Variants in SNTG1 observed in about 807,000 individuals in gnomAD.
SNTG1 encodes gamma-1-syntrophin.
In SNTG1, 39 loss-of-function variants were observed where a neutral mutation model predicts 74.7. The ratio of observed to expected loss-of-function variants is 0.52; its 90% confidence interval spans 0.40 to 0.68. SNTG1 has a LOEUF of 0.68. Ranked by LOEUF, SNTG1 falls within the 30% of genes least tolerant of loss-of-function variation. SNTG1 has a pLI of 0.00. For missense variants in SNTG1, 685 were observed against 609.5 expected (o/e 1.12, Z -1.30); for synonymous variants, 254 against 217.1 (o/e 1.17, Z -1.49).
chr8:50,436,777 A>G lies in SNTG1; in HGVS notation c.163-1766A>G, dbSNP rs1490246532. 2.6e-5 allele frequency among the ~76,000 whole-genome samples: 4 copies of G among 152,284 alleles called. No individual in the cohort carries two copies. The East Asian group carries it at 7.7e-4, about 29-fold the overall frequency. ...TGCATTTCTCCTTTTCAATAAAAAG[A>G]CATTTCTAATACATAGTTTATTTTA... On this transcript the variant is annotated intron_variant, in intron 4 of 18. Coordinates refer to ENST00000642720, the MANE Select transcript of SNTG1 (RefSeq NM_018967.5).
At chr8:50,712,820 C>T (rs776113944) in intron 17 of SNTG1, among the ~76,000 whole-genome samples, 5 of 152,102 alleles carry the variant, frequency 3.3e-5, no homozygotes, top group Non-Finnish European at 5.9e-5. Flanking sequence ...CATGTCCCCG[C>T]AAAGGACATG....
At chr8:50,249,278 C>T (rs1158044150) in intron 2 of SNTG1, among the ~76,000 whole-genome samples, 5 of 152,124 alleles carry the variant, frequency 3.3e-5, no homozygotes, top group African/African-American at 9.7e-5. Flanking sequence ...ATTTGCAACC[C>T]GTATGACCTA....
chr8:50,560,294 G>A (rs1161293249), intron 12 of SNTG1, among the ~76,000 whole-genome samples: 2 of 152,200 alleles, frequency 1.3e-5, no homozygotes, highest in African/African-American at 2.4e-5. Flanking sequence ...TTCAACCATT[G>A]TGGAAGAGAG....
chr8:49,980,641 A>T (rs1358978309), intron 1 of SNTG1, among the ~76,000 whole-genome samples: 1 of 151,234 alleles, frequency 6.6e-6, no homozygotes, highest in African/African-American at 2.4e-5. Context: ...GTGTTCCTGA[A>T]TTTTTTTAAT....
intron 1 of SNTG1, among the ~76,000 whole-genome samples, chr8:50,031,730 T>A (rs1817753227): frequency 6.6e-6 from 1 of 152,120 alleles, no homozygotes; most frequent in African/African-American, 2.4e-5. Context: ...TCCTTTACAT[T>A]AATATTTTGT....
At chr8:50,082,656 A>G (rs894183425) in intron 1 of SNTG1, among the ~76,000 whole-genome samples, 6 of 152,164 alleles carry the variant, frequency 3.9e-5, no homozygotes, top group Non-Finnish European at 8.8e-5. Context: ...TCCTGGAGAA[A>G]GTTTTTAAAT....
At chr8:50,197,514 G>A (rs901042121) in intron 2 of SNTG1, among the ~76,000 whole-genome samples, 4 of 151,662 alleles carry the variant, frequency 2.6e-5, no homozygotes, top group African/African-American at 7.3e-5. Flanking sequence ...TTGCATCCAG[G>A]GCCTTGTCAT....
intron 8 of SNTG1, among the ~76,000 whole-genome samples, chr8:50,467,127 T>C (rs2093614743): frequency 6.6e-6 from 1 of 151,984 alleles, no homozygotes. Context: ...GCTCTTAATT[T>C]TTTTGTAACG....
At chr8:50,580,042 T>C (rs2094600189) in intron 12 of SNTG1, among the ~76,000 whole-genome samples, 1 of 152,194 alleles carries the variant, frequency 6.6e-6, no homozygotes, top group East Asian at 1.9e-4. Context: ...AGGGGAGCTA[T>C]ACCCTGCAAA....
intron 8 of SNTG1, among the ~76,000 whole-genome samples, chr8:50,453,702 T>C (rs2131637996): frequency 6.6e-6 from 1 of 152,360 alleles, no homozygotes; most frequent in East Asian, 1.9e-4. Flanking sequence ...AATTAATTGG[T>C]AATACATTAT....
At position 50,402,277 on chromosome 8, in the gene SNTG1, C is replaced by A; in HGVS notation, c.95C>A (p.Ala32Asp). ...CCTTTCAAAGTGCGGCTGCACCTAGCCAAAGACATTTTGATGATCCAGGAA... is the reference window on the plus strand; with the variant it reads ...CCTTTCAAAGTGCGGCTGCACCTAGACAAAGACATTTTGATGATCCAGGAA... ...QEPFKVRLHLAKDILMIQEQD... is the reference protein window; with the variant it reads ...QEPFKVRLHLDKDILMIQEQD... Residue 32 changes from alanine to aspartate, a missense_variant, in exon 4 of 19, where the codon GCC becomes GAC. Transcript: ENST00000642720. 1 of 1,613,680 alleles carries A rather than the reference C, an allele frequency of 6.2e-7. No individual in the cohort carries two copies. The highest frequency in any genetic ancestry group is 2.2e-5 in the East Asian group (1 of 44,856).
intron 4 of SNTG1, among the ~76,000 whole-genome samples, chr8:50,422,252 C>CTATA (rs2093098379): frequency 3.0e-4 from 1 of 3,296 alleles, no homozygotes; most frequent in South Asian, 0.25. Flanking sequence ...ATCTATCTAT[C>CTATA]TATCTATCTA....
chr8:50,282,657 T>C (rs1319219650), intron 2 of SNTG1, among the ~76,000 whole-genome samples: 1 of 152,112 alleles, frequency 6.6e-6, no homozygotes, highest in Admixed American at 6.6e-5. Context: ...TCCCAGCTAC[T>C]CTGGAGGCTG....
intron 2 of SNTG1, among the ~76,000 whole-genome samples, chr8:50,276,286 T>A (rs2088098796): frequency 6.6e-6 from 1 of 151,880 alleles, no homozygotes; most frequent in African/African-American, 2.4e-5. Flanking sequence ...AGCTAGAAAA[T>A]GTTCTTAGCA....
chr8:50,423,386 T>C (rs1342170461), intron 4 of SNTG1, among the ~76,000 whole-genome samples: 2 of 152,254 alleles, frequency 1.3e-5, no homozygotes, highest in African/African-American at 4.8e-5. Context: ...TCATTTCTCC[T>C]GGTTCTGAAT....
chr8:50,225,497 A>G (rs565160256), intron 2 of SNTG1, among the ~76,000 whole-genome samples: 24 of 152,308 alleles, frequency 1.6e-4, no homozygotes, highest in African/African-American at 5.5e-4. Flanking sequence ...CTTTTCAGAC[A>G]GAACCAATGC....
intron 1 of SNTG1, among the ~76,000 whole-genome samples, chr8:49,957,139 G>C (rs1305920900): frequency 6.6e-6 from 1 of 152,164 alleles, no homozygotes; most frequent in Non-Finnish European, 1.5e-5. Context: ...CCCAGTTCTA[G>C]AAGCACATCA....
At chr8:50,082,345 A>G (rs1406724162) in intron 1 of SNTG1, among the ~76,000 whole-genome samples, 1 of 152,176 alleles carries the variant, frequency 6.6e-6, no homozygotes, top group African/African-American at 2.4e-5. Context: ...ATGCACAATA[A>G]TGAGCATTTT....
At chr8:50,409,764 T>C (rs1017743710) in intron 4 of SNTG1, among the ~76,000 whole-genome samples, 2 of 152,232 alleles carry the variant, frequency 1.3e-5, no homozygotes, top group African/African-American at 4.8e-5. Flanking sequence ...GTTTTAAATA[T>C]TGACGAAATA....
Sources: gnomAD v4.1 joint callset for allele counts (sites outside exome capture counted in the v4.1 genomes callset) on GRCh38, gnomAD v4.1.1 for gene constraint, MANE v1.5 for transcripts, NCBI Gene and HGNC (gene_info 2026-07-23, HGNC 2026-07-21) for gene names.